FBXL7: variants seen among roughly 807,000 people sequenced by gnomAD.
FBXL7 encodes the protein F-box and leucine rich repeat protein 7, also known as F-box/LRR-repeat protein 7.
A neutral mutation model predicts 38.3 loss-of-function variants in FBXL7; 12 were observed. The observed-to-expected ratio is 0.31, with a 90% confidence interval of 0.20 to 0.51. FBXL7 has a LOEUF of 0.51. FBXL7 is among the 20% of genes least tolerant of loss of function. FBXL7 has a pLI of 0.98. For synonymous variants in FBXL7, 297 were observed against 300.9 expected (o/e 0.99, Z 0.13); for missense variants, 567 against 676.4 (o/e 0.84, Z 1.79).
chr5:15,937,345 C>T lies in FBXL7; in HGVS notation c.*159C>T, dbSNP rs948812707. The stretch of plus-strand genomic sequence containing the variant: ...TTTATTTTTCCTCATTTCTCATGGG[C>T]AACAGAGGCCAAAGAAACGAAGCAA... On this transcript the variant is annotated 3_prime_UTR_variant, in exon 4 of 4. Transcript: ENST00000504595. 123 of 895,682 alleles carry T rather than the reference C, an allele frequency of 1.4e-4. No individual in the cohort carries two copies. The highest frequency in any genetic ancestry group is 1.9e-4 in the Non-Finnish European group (118 of 612,568). The allele number at this position is 895,682 out of a possible 1,614,324, so 55.5% of individuals were successfully genotyped here. A position where few individuals can be genotyped will look rare whatever the true frequency, so the allele number is the denominator to read the frequency against.
chr5:15,546,658 G>A (rs1737904531), intron 1 of FBXL7, among the ~76,000 whole-genome samples: 1 of 152,194 alleles, frequency 6.6e-6, no homozygotes, highest in Admixed American at 6.5e-5. Flanking sequence ...TTGAACCTAT[G>A]AGGTGGAAGT....
intron 2 of FBXL7, among the ~76,000 whole-genome samples, chr5:15,746,803 T>A (rs1009516301): frequency 6.6e-6 from 1 of 152,214 alleles, no homozygotes; most frequent in African/African-American, 2.4e-5. Context: ...AGACTGATGC[T>A]TTTAAATACA....
chr5:15,556,506 T>A (rs1006830621), intron 1 of FBXL7, among the ~76,000 whole-genome samples: 1 of 152,150 alleles, frequency 6.6e-6, no homozygotes, highest in African/African-American at 2.4e-5. Context: ...TTTTACCAGT[T>A]ATCTGGGCGT....
At chr5:15,634,516 T>A (rs796807409) in intron 2 of FBXL7, among the ~76,000 whole-genome samples, 176 of 130,784 alleles carry the variant, frequency 1.3e-3, no homozygotes, top group African/African-American at 4.9e-3. Context: ...GGGGGGGGGG[T>A]TTACCCTAGG....
chr5:15,858,388 G>A (rs941948127), intron 2 of FBXL7, among the ~76,000 whole-genome samples: 16 of 151,970 alleles, frequency 1.1e-4, no homozygotes, highest in Non-Finnish European at 1.5e-4. Flanking sequence ...TTTTATTCAG[G>A]AAAGAGGTTC....
chr5:15,930,139 G>A (rs987463280), intron 3 of FBXL7, among the ~76,000 whole-genome samples: 1 of 152,188 alleles, frequency 6.6e-6, no homozygotes, highest in Non-Finnish European at 1.5e-5. Flanking sequence ...GCAGCCATAT[G>A]TTCAGTTAGT....
intron 2 of FBXL7, among the ~76,000 whole-genome samples, chr5:15,704,269 C>T (rs1743614760): frequency 6.6e-6 from 1 of 152,194 alleles, no homozygotes; most frequent in African/African-American, 2.4e-5. Flanking sequence ...CCAGCTCCCT[C>T]ATCTGTTAAT....
In FBXL7 at chr5:15,777,720, T is replaced by TAAAAA. The variant is rs371293320; in HGVS notation, c.128-150148_128-150144dup. 1.5e-3 allele frequency among the ~76,000 whole-genome samples: 126 copies of TAAAAA among 82,514 alleles called. 7 individuals carry two copies. Among genetic ancestry groups the TAAAAA allele is most frequent in the African/African-American group, 6.8e-3 (121 of 17,720 alleles). The allele number at this position is 82,514 out of a possible 152,430, so 54.1% of individuals were successfully genotyped here. A position where few individuals can be genotyped will look rare whatever the true frequency, so the allele number is the denominator to read the frequency against. The stretch of plus-strand genomic sequence containing the variant: ...TATTGTTTGCAAACCCCTATTCTGG[T>TAAAAA]AAAAAAAAAAAAAAAAAAAAAAAAA... On this transcript the variant is annotated intron_variant, in intron 2 of 3. Transcript: ENST00000504595.
chr5:15,691,759 C>A (rs1045551448), intron 2 of FBXL7, among the ~76,000 whole-genome samples: 1 of 152,156 alleles, frequency 6.6e-6, no homozygotes, highest in Non-Finnish European at 1.5e-5. Flanking sequence ...TTCTCTTTAG[C>A]CTGACTCAGA....
chr5:15,571,327 A>G (rs1738774698), intron 1 of FBXL7, among the ~76,000 whole-genome samples: 1 of 152,098 alleles, frequency 6.6e-6, no homozygotes, highest in Admixed American at 6.5e-5. Context: ...AAATTATACT[A>G]GCAACAATGA....
intron 2 of FBXL7, among the ~76,000 whole-genome samples, chr5:15,741,722 C>A (rs975646327): frequency 6.6e-6 from 1 of 152,068 alleles, no homozygotes; most frequent in Non-Finnish European, 1.5e-5. Context: ...CCAGTTAACC[C>A]GTTTTATAAG....
chr5:15,687,593 A>G (rs554786368), intron 2 of FBXL7, among the ~76,000 whole-genome samples: 1 of 152,290 alleles, frequency 6.6e-6, no homozygotes, highest in East Asian at 1.9e-4. Context: ...ATTGTTCTCA[A>G]CTGGTGTAGC....
At chr5:15,636,744 A>C (rs1454715140) in intron 2 of FBXL7, among the ~76,000 whole-genome samples, 1 of 150,336 alleles carries the variant, frequency 6.7e-6, no homozygotes, top group African/African-American at 2.5e-5. Context: ...TTCATAAATC[A>C]TAGAGCAGAA....
At chr5:15,916,381 G>T (rs964560133) in intron 2 of FBXL7, among the ~76,000 whole-genome samples, 1 of 152,176 alleles carries the variant, frequency 6.6e-6, no homozygotes, top group Non-Finnish European at 1.5e-5. Flanking sequence ...GGGGGAGCAT[G>T]GTCTAGATTG....
At chr5:15,641,272 C>G (rs1741361563) in intron 2 of FBXL7, among the ~76,000 whole-genome samples, 1 of 152,164 alleles carries the variant, frequency 6.6e-6, no homozygotes, top group Non-Finnish European at 1.5e-5. Flanking sequence ...GAATGCTTAC[C>G]CTACAGTTGG....
chr5:15,753,139 G>A (rs962382964), intron 2 of FBXL7, among the ~76,000 whole-genome samples: 8 of 152,016 alleles, frequency 5.3e-5, no homozygotes, highest in Non-Finnish European at 1.0e-4. Context: ...GGCGGGGGCT[G>A]GACAGTCTGC....
chr5:15,637,029 G>A (rs2126549996), intron 2 of FBXL7, among the ~76,000 whole-genome samples: 1 of 152,294 alleles, frequency 6.6e-6, no homozygotes, highest in South Asian at 2.1e-4. Flanking sequence ...AGAGAGGAAA[G>A]ATGAGTGATG....
chr5:15,715,297 T>G (rs1481180683), intron 2 of FBXL7, among the ~76,000 whole-genome samples: 1 of 151,770 alleles, frequency 6.6e-6, no homozygotes, highest in African/African-American at 2.4e-5. Flanking sequence ...TCAAGACCAT[T>G]CTGGCCAACA....
Position 15,870,435 on chromosome 5 carries a change from C to T in FBXL7, c.128-57455C>T, listed in dbSNP as rs141991152. Among the ~76,000 whole-genome samples the T allele has an allele frequency of 2.2e-4, 34 of 151,976 alleles. No individual in the cohort carries two copies. The East Asian group carries it at 2.9e-3, about 13-fold the overall frequency. On this transcript the variant is annotated intron_variant, in intron 2 of 3. Coordinates refer to ENST00000504595, the MANE Select transcript of FBXL7 (RefSeq NM_012304.5). ...GAGGGAGAATGGAGAAACAAATGCA[C>T]GGATCAGAAAAGTCCCTCCTGTGGC...
Sources: allele counts gnomAD v4.1 joint callset (sites outside exome capture counted in the v4.1 genomes callset), GRCh38; gene constraint gnomAD v4.1.1; transcripts MANE v1.5; gene names NCBI Gene and HGNC (gene_info 2026-07-23, HGNC 2026-07-21).